CCBE1: variants seen among roughly 807,000 people sequenced by gnomAD.
CCBE1 encodes collagen and calcium binding EGF domains 1.
CCBE1 carries 37 observed loss-of-function variants against 50.0 expected under a neutral mutation model. That is an observed-to-expected ratio of 0.74 (90% CI 0.57 to 0.97). CCBE1 has a LOEUF of 0.97. CCBE1 is among the 50% of genes least tolerant of loss of function. The pLI, the probability that CCBE1 is intolerant of heterozygous loss-of-function variation, is 0.00. For synonymous variants in CCBE1, 234 were observed against 203.7 expected (o/e 1.15, Z -1.27); for missense variants, 538 against 523.8 (o/e 1.03, Z -0.26).
At chr18:59,440,978 A>G (rs1405946093) in intron 7 of CCBE1, among the ~76,000 whole-genome samples, 1 of 152,256 alleles carries the variant, frequency 6.6e-6, no homozygotes, top group Non-Finnish European at 1.5e-5. Context: ...TCCACTAAGC[A>G]TAAGGTAACA....
At chr18:59,573,486 G>A (rs182749152) in intron 2 of CCBE1, among the ~76,000 whole-genome samples, 108 of 151,302 alleles carry the variant, frequency 7.1e-4, no homozygotes, top group South Asian at 1.7e-3. Context: ...TTTAACTTAC[G>A]AAGCACCACC....
intron 2 of CCBE1, among the ~76,000 whole-genome samples, chr18:59,643,125 CT>C (rs1252613564): frequency 6.6e-6 from 1 of 152,116 alleles, no homozygotes; most frequent in Non-Finnish European, 1.5e-5. Context: ...CAACTGCTTT[CT>C]TTTATTGCCT....
rs370300166 is a variant in CCBE1 at position 59,697,077 on chromosome 18, A to G, written c.131+135T>C. 1.2e-5 allele frequency: 15 copies of G among 1,219,270 alleles called. No homozygotes were observed. In the South Asian group the frequency reaches 1.4e-4, roughly 12 times the overall value. 75.5% of individuals were successfully genotyped at this position (1,219,270 alleles called of 1,614,324 possible). ...GAAGTGTCGCCCAGGACAGCTGAGC[A>G]CTCTCCTTATCCCCGGAGAAGTGAG... On this transcript the variant is annotated intron_variant, in intron 1 of 10. Coordinates refer to ENST00000439986, the MANE Select transcript of CCBE1 (RefSeq NM_133459.4).
At chr18:59,582,004 A>G (rs772598853) in intron 2 of CCBE1, among the ~76,000 whole-genome samples, 2 of 151,998 alleles carry the variant, frequency 1.3e-5, no homozygotes, top group Non-Finnish European at 2.9e-5. Flanking sequence ...TAAAGGGGAG[A>G]ACTGGAGGTT....
chr18:59,451,599 G>A (rs1204191228), intron 6 of CCBE1, among the ~76,000 whole-genome samples: 2 of 152,030 alleles, frequency 1.3e-5, no homozygotes, highest in East Asian at 1.9e-4. Flanking sequence ...CAGAAGAAGT[G>A]GTGGAGGTGG....
At chr18:59,541,802 C>G (rs1915476291) in intron 2 of CCBE1, among the ~76,000 whole-genome samples, 1 of 152,074 alleles carries the variant, frequency 6.6e-6, no homozygotes, top group Admixed American at 6.6e-5. Context: ...GACAGATTAG[C>G]CTTCTTCCAG....
intron 2 of CCBE1, among the ~76,000 whole-genome samples, chr18:59,626,478 T>G (rs1033720723): frequency 6.6e-6 from 1 of 152,268 alleles, no homozygotes; most frequent in Non-Finnish European, 1.5e-5. Context: ...TATGTAGCCC[T>G]GGCACTGATT....
chr18:59,567,992 G>A (rs1036549032), intron 2 of CCBE1, among the ~76,000 whole-genome samples: 3 of 151,920 alleles, frequency 2.0e-5, no homozygotes, highest in Admixed American at 6.5e-5. Flanking sequence ...TTTAGAAATC[G>A]CTGTGGTAGC....
At chr18:59,517,326 T>C (rs1281704346) in intron 2 of CCBE1, among the ~76,000 whole-genome samples, 1 of 152,242 alleles carries the variant, frequency 6.6e-6, no homozygotes, top group South Asian at 2.1e-4. Flanking sequence ...GTATTTGGCA[T>C]TCCTGGAATA....
intron 2 of CCBE1, among the ~76,000 whole-genome samples, chr18:59,669,441 T>A (rs939639202): frequency 6.6e-6 from 1 of 152,190 alleles, no homozygotes; most frequent in Admixed American, 6.5e-5. Context: ...CAATAGGACA[T>A]CCTGGCTGTG....
intron 2 of CCBE1, among the ~76,000 whole-genome samples, chr18:59,537,688 TCAG>T (rs1915305970): frequency 6.6e-6 from 1 of 152,204 alleles, no homozygotes; most frequent in African/African-American, 2.4e-5. Context: ...GTTTCTTACT[TCAG>T]CAAGTATATA....
At chr18:59,686,557 A>C (rs1440123364) in intron 2 of CCBE1, among the ~76,000 whole-genome samples, 1 of 152,184 alleles carries the variant, frequency 6.6e-6, no homozygotes, top group Admixed American at 6.5e-5. Context: ...AATCTGAGGC[A>C]CTCATCAGAC....
At chr18:59,545,792 C>T (rs913542174) in intron 2 of CCBE1, among the ~76,000 whole-genome samples, 26 of 152,106 alleles carry the variant, frequency 1.7e-4, no homozygotes, top group African/African-American at 6.3e-4. Flanking sequence ...CAGGGGGTTC[C>T]CCTTTTACAT....
chr18:59,452,607 A>G (rs1910993287), intron 6 of CCBE1, among the ~76,000 whole-genome samples: 1 of 152,096 alleles, frequency 6.6e-6, no homozygotes, highest in African/African-American at 2.4e-5. Flanking sequence ...CAAAACAAAA[A>G]CAACAAAACC....
chr18:59,457,315 C>G (rs1206466860), intron 5 of CCBE1, among the ~76,000 whole-genome samples: 7 of 152,144 alleles, frequency 4.6e-5, no homozygotes, highest in African/African-American at 1.7e-4. Context: ...GGGCTTGTAT[C>G]AGAGATGGTA....
chr18:59,486,468 G>C (rs928449185), intron 2 of CCBE1, among the ~76,000 whole-genome samples: 4 of 152,204 alleles, frequency 2.6e-5, no homozygotes, highest in Non-Finnish European at 5.9e-5. Flanking sequence ...TCTTTTACAA[G>C]TTAACCTCAA....
Position 59,681,122 on chromosome 18 carries a change from G to T in CCBE1, c.212+15507C>A, listed in dbSNP as rs369999449. Among the ~76,000 whole-genome samples the T allele has an allele frequency of 1.2e-3, 179 of 151,104 alleles. 1 individual carries two copies. The South Asian group carries it at 0.03, about 25-fold the overall frequency. On this transcript the variant is annotated intron_variant, in intron 2 of 10. Coordinates refer to ENST00000439986, the MANE Select transcript of CCBE1 (RefSeq NM_133459.4). ...TATAGCTAAGTTGCATAGCTGTCTT[G>T]TGTCACCATTTCCCTCGGAATCTTT...
chr18:59,547,848 C>T (rs1915767337), intron 2 of CCBE1, among the ~76,000 whole-genome samples: 1 of 152,192 alleles, frequency 6.6e-6, no homozygotes, highest in South Asian at 2.1e-4. Context: ...TTGGCTGCCA[C>T]AGCTGATTCA....
chr18:59,472,799 GA>G (rs1912097221), intron 3 of CCBE1, among the ~76,000 whole-genome samples: 1 of 152,204 alleles, frequency 6.6e-6, no homozygotes, highest in Non-Finnish European at 1.5e-5. Flanking sequence ...ATTTATAAAG[GA>G]AAGAGGTTTA....
Sources: gnomAD v4.1 joint callset for allele counts (sites outside exome capture counted in the v4.1 genomes callset) on GRCh38, gnomAD v4.1.1 for gene constraint, MANE v1.5 for transcripts, NCBI Gene and HGNC (gene_info 2026-07-23, HGNC 2026-07-21) for gene names.